The following KLRK1 variants were observed in gnomAD, a reference collection of about 807,000 sequenced individuals.
KLRK1 encodes killer cell lectin like receptor K1.
Under a neutral mutation model 31.3 loss-of-function variants are expected in KLRK1, and 40 were observed. The ratio of observed to expected loss-of-function variants is 1.28; its 90% CI spans 0.99 to 1.67. The LOEUF (loss-of-function observed/expected upper bound fraction) is 1.67. Among genes scored for constraint, KLRK1 ranks in the 40% most tolerant of loss-of-function variants. KLRK1 has a pLI of 0.00. For synonymous variants in KLRK1, 77 were observed against 77.3 expected (o/e 1.00, Z 0.02); for missense variants, 251 against 260.0 (o/e 0.97, Z 0.24).
chr12:10,384,834 C>T (rs547830098), intron 3 of KLRK1, among the ~76,000 whole-genome samples: 2 of 152,078 alleles, frequency 1.3e-5, no homozygotes, highest in Admixed American at 1.3e-4. Context: ...AGAAAATACT[C>T]GCAAACTATT....
intron 7 of KLRK1, among the ~76,000 whole-genome samples, chr12:10,376,973 C>T (rs1286087742): frequency 2.0e-5 from 3 of 152,066 alleles, no homozygotes; most frequent in Non-Finnish European, 4.4e-5. Context: ...CCTGCCACCC[C>T]GTCCAGCTAA....
chr12:10,376,242 A>G (rs565019103), intron 7 of KLRK1, among the ~76,000 whole-genome samples: 2 of 152,326 alleles, frequency 1.3e-5, no homozygotes, highest in East Asian at 3.9e-4. Flanking sequence ...CAGAATAAAC[A>G]TTTCTGATCA....
intron 3 of KLRK1, among the ~76,000 whole-genome samples, chr12:10,385,556 T>C (rs550034341): frequency 9.2e-5 from 14 of 152,058 alleles, no homozygotes; most frequent in South Asian, 6.2e-4. Context: ...AGATACAAAC[T>C]TTTAGCTCAC....
At chr12:10,382,927 G>T (rs75621395) in intron 3 of KLRK1, among the ~76,000 whole-genome samples, 4,351 of 152,090 alleles carry the variant, frequency 0.029, 168 homozygotes, top group African/African-American at 0.097. Flanking sequence ...AAGTTAAGCT[G>T]TCATCAGTAT....
chr12:10,378,584 G>C lies in KLRK1; in HGVS notation c.399C>G (p.Ser133Arg), dbSNP rs200426730. The change falls in exon 6 of 8, where the codon AGC becomes AGG. Residue 133 changes from serine to arginine, a missense_variant. Coordinates refer to ENST00000240618, the MANE Select transcript of KLRK1 (RefSeq NM_007360.4). ...SQASCMSQNA[S>R]LLKVYSKEDQ... is the part of the protein sequence containing the mutation. ...CCTCTTTGCTGTATACTTTCAGAAG[G>C]CTGGCATTTTGAGACATACAAGAAG... The C allele has an allele frequency of 6.2e-7, 1 of 1,612,226 alleles. No homozygotes were observed. Among genetic ancestry groups the C allele is most frequent in the Non-Finnish European group, 8.5e-7 (1 of 1,179,646 alleles).
intron 3 of KLRK1, among the ~76,000 whole-genome samples, chr12:10,380,058 TG>T (rs1321157698): frequency 5.3e-4 from 68 of 128,522 alleles, no homozygotes; most frequent in African/African-American, 1.8e-3. Context: ...TTGTTGTTAT[TG>T]TTTTTTTTTT....
At chr12:10,382,055 TTA>T (rs1565493393) in intron 3 of KLRK1, 2 of 152,214 alleles carry the variant, frequency 1.3e-5, no homozygotes, top group Non-Finnish European at 2.9e-5. Context: ...AGGAAGAACC[TTA>T]GTCTCAGCCC....
At chr12:10,386,768 T>C in intron 3 of KLRK1, 135 bp downstream of exon 3, 1 of 416,250 alleles carries the variant, frequency 2.4e-6, no homozygotes, top group East Asian at 4.2e-5. Flanking sequence ...ATTTTAATAT[T>C]ATATGAGAGT....
intron 7 of KLRK1, among the ~76,000 whole-genome samples, chr12:10,375,598 T>C (rs560213066): frequency 1.4e-3 from 206 of 152,294 alleles, no homozygotes; most frequent in Non-Finnish European, 2.2e-3. Flanking sequence ...CCCCTTGAAA[T>C]AAAGAATTAT....
chr12:10,378,727 T>C (rs553643450), intron 5 of KLRK1, 22 bp from the exon 6 acceptor site: 3 of 1,579,158 alleles, frequency 1.9e-6, no homozygotes, highest in African/African-American at 2.7e-5. Flanking sequence ...GAATATATTA[T>C]TAATTCTACA....
In KLRK1 at chr12:10,378,187, T is replaced by C. The variant is rs1314444154; in HGVS notation, c.478A>G (p.Ile160Val). 1 of 1,614,042 alleles carries C rather than the reference T, an allele frequency of 6.2e-7. No homozygotes were observed. Among genetic ancestry groups the C allele is most frequent in the African/African-American group, 1.3e-5 (1 of 74,944 alleles). The change falls in exon 7 of 8, where the codon ATT becomes GTT. Residue 160 changes from isoleucine (I) to valine (V), a missense_variant. By Grantham distance (29) the Ile-to-Val change is conservative. Transcript: ENST00000240618. The part of the protein sequence containing the change: ...KSYHWMGLVH[I>V]PTNGSWQWED... ...CACTGCCAAGATCCATTTGTTGGAA[T>C]GTGTACTAGTCCCATCCAATGATAT... is the stretch of plus-strand genomic sequence containing the variant.
intron 3 of KLRK1, among the ~76,000 whole-genome samples, chr12:10,383,229 AAAAC>A (rs1285442125): frequency 1.3e-5 from 2 of 152,096 alleles, no homozygotes; most frequent in Non-Finnish European, 2.9e-5. Flanking sequence ...AAAAACAAAA[AAAAC>A]CAAACAATAT....
intron 3 of KLRK1, among the ~76,000 whole-genome samples, chr12:10,380,233 T>C (rs1863048102): frequency 6.6e-6 from 1 of 151,840 alleles, no homozygotes; most frequent in African/African-American, 2.4e-5. Flanking sequence ...TCCCAGCTAA[T>C]GTTCTGTATT....
rs759227076 is a variant in KLRK1, at chr12:10,378,635, C to T, written c.348G>A (p.Glu116=). Residue 116 remains glutamate (E), a synonymous_variant, in exon 6 of 8, where the codon GAG becomes GAA. Transcript: ENST00000240618. ...CCTGGCTCTCATACCAGTTTTTACTCTCATCAAAAAATTGGTAGCAGTTAT... is the reference window on the plus strand; with the variant it reads ...CCTGGCTCTCATACCAGTTTTTACTTTCATCAAAAAATTGGTAGCAGTTAT... ...YKNNCYQFFD[E]SKNWYESQAS... is the part of the protein sequence containing the mutation. The T allele has an allele frequency of 7.5e-6, 12 of 1,610,688 alleles. No homozygotes were observed. The Admixed American group carries it at 2.0e-4, about 27-fold the overall frequency.
chr12:10,384,297 A>G (rs1434903043), intron 3 of KLRK1, among the ~76,000 whole-genome samples: 3 of 152,092 alleles, frequency 2.0e-5, no homozygotes, highest in Admixed American at 2.0e-4. Context: ...AGCCAAAGCA[A>G]TCTTGAACAA....
rs1862955283 is a variant in KLRK1 at position 10,375,835 on chromosome 12, G to A, written c.533+2297C>T. Among the ~76,000 whole-genome samples the A allele has an allele frequency of 2.6e-5, 4 of 152,142 alleles. No individual in the cohort carries two copies. The South Asian group carries it at 8.3e-4, about 32-fold the overall frequency. On this transcript the variant is annotated intron_variant, in intron 7 of 7. Coordinates refer to ENST00000240618, the MANE Select transcript of KLRK1 (RefSeq NM_007360.4). ...AATTACAACTATATTCATAAGATCA[G>A]TGAACATTAAGATGTTGTCACTTAG...
At chr12:10,377,329 G>A (rs1256729832) in intron 7 of KLRK1, among the ~76,000 whole-genome samples, 1 of 152,138 alleles carries the variant, frequency 6.6e-6, no homozygotes, top group African/African-American at 2.4e-5. Flanking sequence ...TTAAGGGAAA[G>A]AAAGATTTCG....
chr12:10,382,438 G>A (rs1206656078), intron 3 of KLRK1, among the ~76,000 whole-genome samples: 2 of 152,090 alleles, frequency 1.3e-5, no homozygotes, highest in East Asian at 1.9e-4. Flanking sequence ...GAAGTGGGGT[G>A]ACATATTCAA....
intron 6 of KLRK1, 84 bp from the exon 7 acceptor site, chr12:10,378,319 C>T: frequency 6.9e-7 from 1 of 1,446,968 alleles, no homozygotes; most frequent in Non-Finnish European, 9.5e-7. Context: ...TTCATCTGTT[C>T]TCACACTTGT....
Sources: allele counts gnomAD v4.1 joint callset (sites outside exome capture counted in the v4.1 genomes callset), GRCh38; gene constraint gnomAD v4.1.1; transcripts MANE v1.5; gene names NCBI Gene and HGNC (gene_info 2026-07-23, HGNC 2026-07-21).